Variants in WRAP53 observed in about 807,000 individuals in gnomAD.
WRAP53 encodes WD repeat containing antisense to TP53, also known as telomerase Cajal body protein 1.
WRAP53 carries 28 observed loss-of-function variants against 56.6 expected under a neutral mutation model. The ratio of observed to expected loss-of-function variants is 0.50; its 90% CI spans 0.37 to 0.68. The LOEUF (loss-of-function observed/expected upper bound fraction) is 0.68, where lower values mean the gene tolerates loss of function less well. Ranked by LOEUF, WRAP53 falls within the 30% of genes least tolerant of loss-of-function variation. WRAP53 has a pLI of 0.00. For missense variants in WRAP53, 671 were observed against 715.5 expected, an observed-to-expected ratio of 0.94 and a Z score of 0.71; for synonymous variants, 283 against 283.4, an observed-to-expected ratio of 1.00 and a Z score of 0.01.
intron 4 of WRAP53, among the ~76,000 whole-genome samples, chr17:7,695,646 C>T (rs1236210725): frequency 1.3e-5 from 2 of 152,148 alleles, no homozygotes; most frequent in East Asian, 3.9e-4. Context: ...CCGCTGACGA[C>T]GTTGGCACTG....
intron 4 of WRAP53, 95 bp from the exon 5 acceptor site, chr17:7,700,646 T>C: frequency 1.2e-6 from 1 of 824,068 alleles, no homozygotes; most frequent in Non-Finnish European, 2.2e-6. Flanking sequence ...CTGTGCTCCA[T>C]ATATACACCC....
Position 7,688,909 on chromosome 17 carries a change from T to C in WRAP53, c.261T>C (p.Ser87=). 6.2e-7 allele frequency: 1 copy of C among 1,614,200 alleles called. No homozygotes were observed. Among genetic ancestry groups the C allele is most frequent in the Non-Finnish European group, 8.5e-7 (1 of 1,180,044 alleles). Residue 87 remains serine, a synonymous_variant, in exon 2 of 11, where the codon AGT becomes AGC. Transcript: ENST00000396463. The part of the protein sequence containing the change: ...TPLETEFGSP[S]ELSPRIEEQE... Reference sequence around the variant, plus strand: ...TGGAAACAGAGTTTGGTTCCCCTAGTGAGTTGAGTCCTCGAATCGAGGAGC... The same window carrying C: ...TGGAAACAGAGTTTGGTTCCCCTAGCGAGTTGAGTCCTCGAATCGAGGAGC...
At chr17:7,700,072 G>GC (rs1481425644) in intron 4 of WRAP53, among the ~76,000 whole-genome samples, 3 of 150,448 alleles carry the variant, frequency 2.0e-5, no homozygotes, top group African/African-American at 7.3e-5. Context: ...TTTTTGGGGG[G>GC]CACTGTCTCT....
rs1306163469 is a variant in WRAP53, at chr17:7,699,498, ATATT to A, written c.643-1239_643-1236del. Among the ~76,000 whole-genome samples the A allele has an allele frequency of 4.8e-3, 58 of 12,082 alleles. 2 individuals carry two copies. Among genetic ancestry groups the A allele is most frequent in the Admixed American group, 0.01 (7 of 694 alleles). 7.9% of individuals were successfully genotyped at this position (12,082 alleles called of 152,430 possible). A position where few individuals can be genotyped will look rare whatever the true frequency, so the allele number is the denominator to read the frequency against. On this transcript the variant is annotated intron_variant, in intron 4 of 10. Transcript: ENST00000396463. ...TATTTATATATATATATATATATAT[ATATT>A]TATATATATATATATATATTTATAT...
At chr17:7,699,769 T>C (rs1468926385) in intron 4 of WRAP53, among the ~76,000 whole-genome samples, 1 of 151,672 alleles carries the variant, frequency 6.6e-6, no homozygotes. Context: ...ACAGTGTTTC[T>C]GTTGCCCAGG....
At chr17:7,690,852 C>T (rs1166635394) in intron 4 of WRAP53, among the ~76,000 whole-genome samples, 1 of 152,088 alleles carries the variant, frequency 6.6e-6, no homozygotes, top group Non-Finnish European at 1.5e-5. Context: ...GTGGAGGCTG[C>T]AGTCAGACAA....
At chr17:7,700,253 C>G (rs761304560) in intron 4 of WRAP53, among the ~76,000 whole-genome samples, 16 of 151,906 alleles carry the variant, frequency 1.1e-4, no homozygotes, top group Non-Finnish European at 1.8e-4. Context: ...TCAAATGGCA[C>G]CTAGCATGTA....
At chr17:7,694,479 G>C (rs896979669) in intron 4 of WRAP53, among the ~76,000 whole-genome samples, 2 of 152,124 alleles carry the variant, frequency 1.3e-5, no homozygotes, top group East Asian at 3.9e-4. Flanking sequence ...CCGACCTCAA[G>C]TGATCCACCC....
In WRAP53 at chr17:7,688,789, G is replaced by C. The variant is rs2074058167; in HGVS notation, c.141G>C (p.Arg47Ser). 1.9e-6 allele frequency: 3 copies of C among 1,614,182 alleles called. No homozygotes were observed. The highest frequency in any genetic ancestry group is 2.5e-6 in the Non-Finnish European group (3 of 1,180,048). Residue 47 changes from arginine (R) to serine (S), a missense_variant, in exon 2 of 11, where the codon AGG (arginine) becomes AGC (serine). Transcript: ENST00000396463. ...DSELMPPPPERGDPPRLSPDP... is the reference protein window; with the variant it reads ...DSELMPPPPESGDPPRLSPDP... ...AACTGATGCCACCGCCTCCCGAAAG[G>C]GGGGATCCGCCCCGGTTGTCCCCAG...
Position 7,702,908 on chromosome 17 carries a change from G to C in WRAP53, c.1268+62G>C. 6.2e-7 allele frequency: 1 copy of C among 1,612,882 alleles called. No individual in the cohort carries two copies. Among genetic ancestry groups the C allele is most frequent in the Non-Finnish European group, 8.5e-7 (1 of 1,179,888 alleles). On this transcript the variant is annotated intron_variant, in intron 9 of 10. Coordinates refer to ENST00000396463, the MANE Select transcript of WRAP53 (RefSeq NM_001143992.2). This position sits in a 1 kb window ranked among gnomAD's most constrained non-coding sequence, Gnocchi z 5.0. ...ATAAGCCTAGGAATGCCAGAGCCCAGCTGTAGGGTCCCAGTCCCTGGGTGT... is the reference window on the plus strand; with the variant it reads ...ATAAGCCTAGGAATGCCAGAGCCCACCTGTAGGGTCCCAGTCCCTGGGTGT...
chr17:7,688,521 G>A lies in WRAP53; in HGVS notation c.-42G>A. On this transcript the variant is annotated 5_prime_UTR_variant, in exon 1 of 11. Transcript: ENST00000396463. ...GCGTCCGCTGTTCGCCTCTCCTCCC[G>A]GGAGTCTTCTGCCTACTCCCAGAAG... is the stretch of plus-strand genomic sequence containing the variant. 1 of 1,000,462 alleles carries A rather than the reference G, an allele frequency of 1.0e-6. No individual in the cohort carries two copies. The allele number at this position is 1,000,462 out of a possible 1,614,324, so 62.0% of individuals were successfully genotyped here. A position where few individuals can be genotyped will look rare whatever the true frequency, so the allele number is the denominator to read the frequency against.
At chr17:7,700,954 T>C (rs1448390315) in intron 5 of WRAP53, 125 bp downstream of exon 5, 1 of 730,848 alleles carries the variant, frequency 1.4e-6, no homozygotes, top group African/African-American at 1.8e-5. Context: ...TCAGAGGGGC[T>C]GGTCAGTTGG....
chr17:7,696,857 G>A (rs2074193023), intron 4 of WRAP53, among the ~76,000 whole-genome samples: 1 of 152,142 alleles, frequency 6.6e-6, no homozygotes, highest in African/African-American at 2.4e-5. Flanking sequence ...GACAAATTGA[G>A]TTTGAGGAAC....
At chr17:7,691,525 G>C (rs2074109584) in intron 4 of WRAP53, among the ~76,000 whole-genome samples, 1 of 151,502 alleles carries the variant, frequency 6.6e-6, no homozygotes. Context: ...GAGTAGCTGG[G>C]ATTACAGGCA....
chr17:7,703,412 T>C lies in WRAP53; in HGVS notation c.1573T>C (p.Ser525Pro), dbSNP rs1266033474. The change falls in exon 11 of 11, where the codon TCC becomes CCC. Residue 525 changes from serine (S) to proline (P), a missense_variant. Ser to Pro is a moderately conservative substitution (Grantham distance 74). Transcript: ENST00000396463. ...CTGGTGGTGTGGGGGGGCGCCAGAC[T>C]CCAGCATCCCTGATGATCACCAGGG... ...QLWWCGGAPD[S>P]SIPDDHQGEK... 2 of 1,612,046 alleles carry C rather than the reference T, an allele frequency of 1.2e-6. No individual in the cohort carries two copies. Among genetic ancestry groups the C allele is most frequent in the Non-Finnish European group, 1.7e-6 (2 of 1,179,054 alleles).
In WRAP53 at chr17:7,702,948, C is replaced by T. The variant is rs747920947; in HGVS notation, c.1269-45C>T. 1 of 1,613,010 alleles carries T rather than the reference C, an allele frequency of 6.2e-7. No individual in the cohort carries two copies. Among genetic ancestry groups the T allele is most frequent in the East Asian group, 2.2e-5 (1 of 44,880 alleles). On this transcript the variant is annotated intron_variant, in intron 9 of 10. Transcript: ENST00000396463. This position sits in a 1 kb window ranked among gnomAD's most constrained non-coding sequence, Gnocchi z 5.0. The stretch of plus-strand genomic sequence containing the variant: ...TCCCTGGGTGTGAGGGGTTCCTGCC[C>T]CAGGGGTGAGGCCTCTGCCAGCAAA...
At chr17:7,691,807 G>A (rs900275452) in intron 4 of WRAP53, among the ~76,000 whole-genome samples, 4 of 151,520 alleles carry the variant, frequency 2.6e-5, no homozygotes, top group Non-Finnish European at 5.9e-5. Flanking sequence ...TTACAGGCGT[G>A]AGCCACCATG....
chr17:7,694,418 T>G (rs2074155089), intron 4 of WRAP53, among the ~76,000 whole-genome samples: 1 of 151,962 alleles, frequency 6.6e-6, no homozygotes, highest in Non-Finnish European at 1.5e-5. Flanking sequence ...AATTTTTGTA[T>G]TTTTAGTAGA....
At chr17:7,700,683 C>A (rs909665404) in intron 4 of WRAP53, 58 bp from the exon 5 acceptor site, 2 of 1,210,926 alleles carry the variant, frequency 1.7e-6, no homozygotes, top group Non-Finnish European at 2.5e-6. Flanking sequence ...GCTAGAGGCA[C>A]GCGCCTCAGA....
Sources: gnomAD v4.1 joint callset for allele counts (sites outside exome capture counted in the v4.1 genomes callset) on GRCh38, gnomAD v4.1.1 for gene constraint, Gnocchi (gnomAD v3.1) non-coding constraint, MANE v1.5 for transcripts, NCBI Gene and HGNC (gene_info 2026-07-23, HGNC 2026-07-21) for gene names.